TRIQK: variants seen among roughly 807,000 people sequenced by gnomAD.
TRIQK encodes the protein triple QxxK/R motif-containing protein.
In TRIQK, 10 loss-of-function variants were observed where a neutral mutation model predicts 10.8. The observed-to-expected ratio is 0.92, with a 90% CI of 0.57 to 1.57. TRIQK has a LOEUF of 1.57. TRIQK is among the 40% of genes most tolerant of loss of function. The pLI is 0.00. For synonymous variants in TRIQK, 33 were observed against 33.7 expected (o/e 0.98, Z 0.07); for missense variants, 107 against 97.7 (o/e 1.09, Z -0.40).
At chr8:92,986,961 A>G (rs903238372) in intron 1 of TRIQK, among the ~76,000 whole-genome samples, 2 of 152,202 alleles carry the variant, frequency 1.3e-5, no homozygotes. Flanking sequence ...ACACATGACA[A>G]GCTACCCAAG....
chr8:92,886,850 C>A, intron 4 of TRIQK, 115 bp from the exon 5 acceptor site: 1 of 624,648 alleles, frequency 1.6e-6, no homozygotes, highest in Non-Finnish European at 2.7e-6. Flanking sequence ...ATAATTTGAA[C>A]CTAATAATCA....
At chr8:92,949,798 GAAAGAA>G (rs1811774103) in intron 2 of TRIQK, among the ~76,000 whole-genome samples, 1 of 58,478 alleles carries the variant, frequency 1.7e-5, no homozygotes, top group Admixed American at 2.1e-4. Context: ...AAGAAAGAAA[GAAAGAA>G]AGAAAGAAAG....
At chr8:93,008,130 G>C (rs527377975) in intron 1 of TRIQK, among the ~76,000 whole-genome samples, 21 of 152,238 alleles carry the variant, frequency 1.4e-4, no homozygotes, top group Admixed American at 2.6e-4. Context: ...AGGTTCTAGA[G>C]CCTGTAGGGG....
At chr8:92,993,077 C>A (rs1234220123) in intron 1 of TRIQK, among the ~76,000 whole-genome samples, 1 of 152,100 alleles carries the variant, frequency 6.6e-6, no homozygotes. Context: ...TCTAAGAGAC[C>A]TATTTGATTT....
intron 1 of TRIQK, among the ~76,000 whole-genome samples, chr8:93,010,148 G>C (rs1042868290): frequency 2.0e-5 from 3 of 152,096 alleles, no homozygotes; most frequent in Admixed American, 1.3e-4. Flanking sequence ...GACGGGTAAA[G>C]GGTACAAAGC....
At chr8:92,923,664 A>T (rs1259325091) in intron 2 of TRIQK, among the ~76,000 whole-genome samples, 2 of 151,914 alleles carry the variant, frequency 1.3e-5, no homozygotes, top group African/African-American at 4.8e-5. Context: ...TGGATATTAA[A>T]ATAATTCAGT....
chr8:93,008,851 A>G (rs961658720), intron 1 of TRIQK, among the ~76,000 whole-genome samples: 1 of 152,226 alleles, frequency 6.6e-6, no homozygotes. Flanking sequence ...TAAAGACTTA[A>G]GTGTAATGCT....
intron 1 of TRIQK, among the ~76,000 whole-genome samples, chr8:92,982,412 G>A (rs1419482045): frequency 6.6e-6 from 1 of 151,962 alleles, no homozygotes; most frequent in Non-Finnish European, 1.5e-5. Flanking sequence ...ACTGTACTCT[G>A]AAAACTCAAT....
chr8:92,998,936 C>G (rs1001969504), intron 1 of TRIQK, among the ~76,000 whole-genome samples: 1 of 152,022 alleles, frequency 6.6e-6, no homozygotes, highest in Non-Finnish European at 1.5e-5. Context: ...TAGAAAATCT[C>G]TCAGGTAGGA....
At chr8:92,963,916 T>C (rs1812590313) in intron 1 of TRIQK, 1 of 152,162 alleles carries the variant, frequency 6.6e-6, no homozygotes, top group South Asian at 2.1e-4. Flanking sequence ...AAAATACAGT[T>C]TCACATTTTT....
At position 92,884,990 on chromosome 8, in the gene TRIQK, C is replaced by T. The variant is rs895091394; in HGVS notation, c.*1632G>A. 1 of 456,064 alleles carries T rather than the reference C, an allele frequency of 2.2e-6. No homozygotes were observed. Among genetic ancestry groups the T allele is most frequent in the Non-Finnish European group, 4.4e-6 (1 of 226,690 alleles). The allele number at this position is 456,064 out of a possible 1,614,324, so 28.3% of individuals were successfully genotyped here. A position where few individuals can be genotyped will look rare whatever the true frequency, so the allele number is the denominator to read the frequency against. ...TACCACATGGCATTAAATGCTGCAA[C>T]CTTTCCTAAAAATGCCACTTGGATT... On this transcript the variant is annotated 3_prime_UTR_variant, in exon 5 of 5. Coordinates refer to ENST00000521988, the MANE Select transcript of TRIQK (RefSeq NM_001171797.2).
At chr8:92,958,136 C>G (rs546355787) in intron 1 of TRIQK, among the ~76,000 whole-genome samples, 2 of 152,082 alleles carry the variant, frequency 1.3e-5, no homozygotes, top group East Asian at 3.9e-4. Context: ...CAGGTTCATA[C>G]TGCCTCAACT....
At chr8:92,928,494 A>G (rs1348336832) in intron 2 of TRIQK, among the ~76,000 whole-genome samples, 3 of 152,230 alleles carry the variant, frequency 2.0e-5, no homozygotes, top group East Asian at 3.8e-4. Flanking sequence ...ATGAAAATGC[A>G]TATTCCTGGG....
intron 1 of TRIQK, among the ~76,000 whole-genome samples, chr8:92,996,514 T>G (rs1247360681): frequency 3.3e-5 from 5 of 152,022 alleles, no homozygotes; most frequent in Non-Finnish European, 5.9e-5. Context: ...GCTATATGTA[T>G]GTGAATTGAA....
At chr8:92,908,938 G>A (rs998187609) in intron 3 of TRIQK, among the ~76,000 whole-genome samples, 2 of 151,462 alleles carry the variant, frequency 1.3e-5, no homozygotes, top group Non-Finnish European at 3.0e-5. Context: ...TCCTCCCTTC[G>A]TCAAAAAGCA....
intron 1 of TRIQK, among the ~76,000 whole-genome samples, chr8:92,975,809 A>G (rs1812926210): frequency 6.6e-6 from 1 of 151,976 alleles, no homozygotes; most frequent in African/African-American, 2.4e-5. Flanking sequence ...GAGATAAATA[A>G]TATAAATTCC....
chr8:92,923,908 T>C (rs1342083723), intron 2 of TRIQK, among the ~76,000 whole-genome samples: 1 of 151,758 alleles, frequency 6.6e-6, no homozygotes, highest in African/African-American at 2.4e-5. Flanking sequence ...AAAGAACAAG[T>C]AAAGAAATAA....
intron 2 of TRIQK, among the ~76,000 whole-genome samples, chr8:92,949,657 GGAAAGAAAGAGAAGGAAA>G (rs1234473624): frequency 1.1e-5 from 1 of 93,660 alleles, no homozygotes; most frequent in Non-Finnish European, 2.0e-5. Context: ...GGAAAGGGAA[GGAAAGAAAGAGAAGGAAA>G]GAAAGAAAGA....
At chr8:92,974,231 A>T (rs1812906550) in intron 1 of TRIQK, 1 of 152,406 alleles carries the variant, frequency 6.6e-6, no homozygotes, top group Non-Finnish European at 1.5e-5. Flanking sequence ...GCTGCTGGAC[A>T]TCCTGGACTA....
Sources: allele counts gnomAD v4.1 joint callset (sites outside exome capture counted in the v4.1 genomes callset), GRCh38; gene constraint gnomAD v4.1.1; transcripts MANE v1.5; gene names NCBI Gene and HGNC (gene_info 2026-07-23, HGNC 2026-07-21).